Variants in RYR2 observed in about 807,000 individuals in gnomAD.
RYR2 encodes the protein cardiac muscle ryanodine receptor-calcium release channel.
A neutral mutation model predicts 601.1 loss-of-function variants in RYR2; 227 were observed. That is an observed-to-expected ratio of 0.38 (90% confidence interval 0.34 to 0.42). The LOEUF (loss-of-function observed/expected upper bound fraction) is 0.42. Among genes scored for constraint, RYR2 ranks in the 10% least tolerant of loss-of-function variants. RYR2 has a pLI of 1.00. For synonymous variants in RYR2, 2,223 were observed against 2,175.1 expected, an observed-to-expected ratio of 1.02 and a Z score of -0.61; for missense variants, 4,646 against 6,156.5, an observed-to-expected ratio of 0.75 and a Z score of 8.21.
chr1:237,709,410 G>GC lies in RYR2; in HGVS notation c.10143-70_10143-69insC, dbSNP rs200315366. On this transcript the variant is annotated intron_variant, in intron 69 of 104. Coordinates refer to ENST00000366574, the MANE Select transcript of RYR2 (RefSeq NM_001035.3). Reference sequence around the variant, plus strand: ...TGGTCAGTACATTTAACTTTGGGGGGATGGTTTTTTTTTTTTAAATTAACT... The same window carrying GC: ...TGGTCAGTACATTTAACTTTGGGGGGCATGGTTTTTTTTTTTTAAATTAACT... The GC allele has an allele frequency of 3.1e-3, 2,857 of 914,036 alleles. 53 individuals are homozygous for GC. The African/African-American group carries it at 0.047, about 15-fold the overall frequency. The allele number at this position is 914,036 out of a possible 1,614,324, so 56.6% of individuals were successfully genotyped here.
intron 2 of RYR2, among the ~76,000 whole-genome samples, chr1:237,293,352 G>A (rs1330439519): frequency 3.3e-5 from 5 of 152,028 alleles, no homozygotes; most frequent in Non-Finnish European, 7.4e-5. Flanking sequence ...GACTACAGGC[G>A]CGTGCCACCA....
intron 1 of RYR2, among the ~76,000 whole-genome samples, chr1:237,225,216 A>G (rs1195170157): frequency 6.6e-6 from 1 of 152,188 alleles, no homozygotes; most frequent in East Asian, 1.9e-4. Flanking sequence ...TAAGATTAAA[A>G]TATCAAATTT....
At chr1:237,112,055 AT>A (rs1363428222) in intron 1 of RYR2, among the ~76,000 whole-genome samples, 2 of 152,128 alleles carry the variant, frequency 1.3e-5, no homozygotes, top group Non-Finnish European at 2.9e-5. Context: ...TAGTATGCAA[AT>A]AGAGGAGAGT....
chr1:237,463,216 A>G (rs1659682984), intron 16 of RYR2, among the ~76,000 whole-genome samples: 1 of 152,024 alleles, frequency 6.6e-6, no homozygotes, highest in Non-Finnish European at 1.5e-5. Context: ...GGGCCTGTTC[A>G]CTTAGTGTTT....
chr1:237,171,182 C>G (rs571836230), intron 1 of RYR2, among the ~76,000 whole-genome samples: 4 of 149,272 alleles, frequency 2.7e-5, no homozygotes, highest in Admixed American at 6.7e-5. Flanking sequence ...TGCAGTGAGC[C>G]GAGATTGCAC....
intron 56 of RYR2, among the ~76,000 whole-genome samples, chr1:237,661,679 A>C (rs1259646151): frequency 2.0e-5 from 3 of 152,148 alleles, no homozygotes; most frequent in Non-Finnish European, 4.4e-5. Context: ...CATGATCCAG[A>C]TTTAGAAGGC....
chr1:237,170,139 T>C (rs185209005), intron 1 of RYR2, among the ~76,000 whole-genome samples: 108 of 152,164 alleles, frequency 7.1e-4, no homozygotes, highest in African/African-American at 2.6e-3. Flanking sequence ...GAAAAACACA[T>C]GGTAATAGGA....
intron 25 of RYR2, among the ~76,000 whole-genome samples, chr1:237,535,676 C>T (rs983049124): frequency 7.9e-5 from 12 of 152,030 alleles, no homozygotes; most frequent in Non-Finnish European, 1.5e-4. Flanking sequence ...CTATTATGAG[C>T]ATAGATGCAA....
intron 2 of RYR2, among the ~76,000 whole-genome samples, chr1:237,291,401 C>G (rs1201793477): frequency 5.3e-5 from 8 of 152,102 alleles, no homozygotes; most frequent in Admixed American, 5.2e-4. Flanking sequence ...GCTAAACATA[C>G]TTTTACTGTA....
intron 29 of RYR2, among the ~76,000 whole-genome samples, chr1:237,569,999 C>A (rs58393848): frequency 0.025 from 3,799 of 152,156 alleles, 153 homozygotes; most frequent in African/African-American, 0.086. Flanking sequence ...GGATGGATCA[C>A]AAGGTCAGGA....
intron 10 of RYR2, among the ~76,000 whole-genome samples, chr1:237,413,717 A>G (rs1704663310): frequency 6.6e-6 from 1 of 152,084 alleles, no homozygotes; most frequent in Non-Finnish European, 1.5e-5. Context: ...TTGCACAGAA[A>G]ATGTACATAA....
intron 100 of RYR2, among the ~76,000 whole-genome samples, chr1:237,818,213 C>T (rs989897516): frequency 6.6e-6 from 1 of 152,104 alleles, no homozygotes; most frequent in Non-Finnish European, 1.5e-5. Context: ...CACCCCCTGC[C>T]CCAGGACATT....
chr1:237,259,045 G>A (rs1558511510), intron 1 of RYR2, among the ~76,000 whole-genome samples: 1 of 151,902 alleles, frequency 6.6e-6, no homozygotes, highest in Admixed American at 6.6e-5. Flanking sequence ...TCTGGTATTT[G>A]GGTGTTTCTG....
chr1:237,474,313 A>G (rs1006370232), intron 17 of RYR2, among the ~76,000 whole-genome samples: 3 of 149,898 alleles, frequency 2.0e-5, no homozygotes, highest in Non-Finnish European at 4.5e-5. Context: ...ACACACATAC[A>G]TACATATGTA....
At chr1:237,690,968 T>C (rs755902870) in intron 63 of RYR2, among the ~76,000 whole-genome samples, 15 of 152,224 alleles carry the variant, frequency 9.9e-5, no homozygotes, top group Non-Finnish European at 1.3e-4. Flanking sequence ...CCCAGTAGCA[T>C]ATATGCAGTG....
In RYR2 at chr1:237,610,528, G is replaced by A. The variant is rs1027945380; in HGVS notation, c.4684-234G>A. On this transcript the variant is annotated intron_variant, in intron 35 of 104. Transcript: ENST00000366574. The surrounding 1 kb of genome is among the most constrained non-coding windows in gnomAD (Gnocchi z 4.9). ...TCAGTATATGGGAAAGACACATCCC[G>A]AAACCTGTTTGACTGCCCGGAAGGT... 2.6e-5 allele frequency among the ~76,000 whole-genome samples: 4 copies of A among 152,118 alleles called. No homozygotes were observed. The highest frequency in any genetic ancestry group is 5.9e-5 in the Non-Finnish European group (4 of 68,016).
At chr1:237,448,816 A>G (rs1353115109) in intron 14 of RYR2, among the ~76,000 whole-genome samples, 1 of 143,438 alleles carries the variant, frequency 7.0e-6, no homozygotes, top group African/African-American at 2.6e-5. Context: ...CCCCCACCCC[A>G]CCTTTGGTAT....
chr1:237,353,824 G>C (rs946071842), intron 3 of RYR2, among the ~76,000 whole-genome samples: 31 of 152,040 alleles, frequency 2.0e-4, no homozygotes, highest in African/African-American at 7.0e-4. Context: ...CCACATACTT[G>C]ATTCAAGTTT....
intron 1 of RYR2, among the ~76,000 whole-genome samples, chr1:237,194,164 T>G (rs1365759372): frequency 6.6e-6 from 1 of 152,142 alleles, no homozygotes; most frequent in Non-Finnish European, 1.5e-5. Flanking sequence ...GCTGGCAGAG[T>G]ACAGCAAGGA....
Sources: allele counts gnomAD v4.1 joint callset (sites outside exome capture counted in the v4.1 genomes callset), GRCh38; gene constraint gnomAD v4.1.1; non-coding constraint Gnocchi (gnomAD v3.1); transcripts MANE v1.5; gene names NCBI Gene and HGNC (gene_info 2026-07-23, HGNC 2026-07-21).